Variants in NDUFAF6 observed in about 807,000 individuals in gnomAD.
NDUFAF6 encodes the protein NADH:ubiquinone oxidoreductase complex assembly factor 6, also known as NADH dehydrogenase (ubiquinone) complex I, assembly factor 6.
In NDUFAF6, 45 loss-of-function variants were observed where a neutral mutation model predicts 40.8. The observed-to-expected ratio is 1.10, with a 90% CI of 0.87 to 1.42. The LOEUF is 1.42. Ranked by LOEUF, NDUFAF6 falls within the 40% of genes most tolerant of loss-of-function variation. The pLI, the probability that NDUFAF6 is intolerant of heterozygous loss-of-function variation, is 0.00. For synonymous variants in NDUFAF6, 185 were observed against 155.9 expected (o/e 1.19, Z -1.39); for missense variants, 435 against 418.5 (o/e 1.04, Z -0.34).
In NDUFAF6 at chr8:95,025,138, C is replaced by T. The variant is rs778134370; in HGVS notation, c.130C>T (p.Arg44Trp). The change falls in exon 1 of 9, where the codon CGG becomes TGG. Residue 44 changes from arginine to tryptophan, a missense_variant. Physicochemically the swap from Arg to Trp is moderately radical, Grantham distance 101 (BLOSUM62 -3). Transcript: ENST00000396124. ...RRLPGPEVSG[R>W]SVAAASGPGA... Reference sequence around the variant, plus strand: ...GCTGCCCGGGCCGGAGGTGTCTGGGCGGAGCGTGGCTGCGGCCAGCGGACC... The same window carrying T: ...GCTGCCCGGGCCGGAGGTGTCTGGGTGGAGCGTGGCTGCGGCCAGCGGACC... 3.4e-6 allele frequency: 5 copies of T among 1,485,074 alleles called. No homozygotes were observed. Among genetic ancestry groups the T allele is most frequent in the African/African-American group, 1.5e-5 (1 of 68,674 alleles). The allele number at this position is 1,485,074 out of a possible 1,614,324, so 92.0% of individuals were successfully genotyped here.
intron 1 of NDUFAF6, among the ~76,000 whole-genome samples, chr8:95,028,826 ACACT>A (rs1252463798): frequency 1.3e-5 from 2 of 152,300 alleles, no homozygotes; most frequent in East Asian, 3.9e-4. Flanking sequence ...AGTGTTTTAA[ACACT>A]TCTGAAGTTT....
chr8:95,081,429 C>T (rs975420878), intron 2 of NDUFAF6, among the ~76,000 whole-genome samples: 3 of 151,992 alleles, frequency 2.0e-5, no homozygotes, highest in Non-Finnish European at 4.4e-5. Flanking sequence ...CTCTGCCTCC[C>T]GAAGTACTGG....
At chr8:94,944,696 C>T (rs1219462203) in intron 1 of NDUFAF6, among the ~76,000 whole-genome samples, 1 of 152,198 alleles carries the variant, frequency 6.6e-6, no homozygotes, top group Non-Finnish European at 1.5e-5. Context: ...GGGAAGAACA[C>T]AGAATGGAGT....
At chr8:94,960,656 C>T (rs1160770008) in intron 1 of NDUFAF6, among the ~76,000 whole-genome samples, 10 of 152,192 alleles carry the variant, frequency 6.6e-5, no homozygotes, top group Admixed American at 6.5e-4. Flanking sequence ...GCTAAATGCT[C>T]CATTTCAGTA....
At chr8:94,953,721 A>G (rs1822829397), upstream of NDUFAF6, among the ~76,000 whole-genome samples, 1 of 152,220 alleles carries the variant, frequency 6.6e-6, no homozygotes, top group African/African-American at 2.4e-5. Flanking sequence ...GCTCTTCTCA[A>G]AAGGATGCAG....
intron 2 of NDUFAF6, among the ~76,000 whole-genome samples, chr8:95,081,694 A>T (rs1409732309): frequency 6.6e-6 from 1 of 152,252 alleles, no homozygotes; most frequent in Non-Finnish European, 1.5e-5. Context: ...AGAGTCTAGT[A>T]AAAAGAAAAG....
At chr8:94,933,782 A>C (rs553385408) in intron 1 of NDUFAF6, among the ~76,000 whole-genome samples, 3 of 125,978 alleles carry the variant, frequency 2.4e-5, no homozygotes, top group South Asian at 2.9e-4. Flanking sequence ...CCCCAAAAAA[A>C]CCAACTATAC....
At chr8:95,094,752 T>TTC (rs1491211191) in intron 2 of NDUFAF6, among the ~76,000 whole-genome samples, 836 of 19,020 alleles carry the variant, frequency 0.044, 6 homozygotes, top group African/African-American at 0.22. Context: ...CTTCTTCTTC[T>TTC]TTTTTTTTTT....
At chr8:95,007,849 C>T (rs1052137142) in intron 2 of NDUFAF6, among the ~76,000 whole-genome samples, 2 of 151,866 alleles carry the variant, frequency 1.3e-5, no homozygotes, top group Non-Finnish European at 2.9e-5. Context: ...CTCAGCCTCC[C>T]GAGTAGCTGG....
At chr8:94,951,141 A>C (rs909634426) in intron 2 of NDUFAF6, 2 of 152,232 alleles carry the variant, frequency 1.3e-5, no homozygotes, top group Admixed American at 6.5e-5. Context: ...TGTACTCTGG[A>C]AAATGCCAGC....
rs1012202156 is a variant in NDUFAF6 at position 95,041,652 on chromosome 8, A to G, written c.477+26A>G. On this transcript the variant is annotated intron_variant, in intron 4 of 8. Coordinates refer to ENST00000396124, the MANE Select transcript of NDUFAF6 (RefSeq NM_152416.4). ...GTGAGTCAAAATTGTTCAAGTCTTA[A>G]GTTTTTTCTTCCTGTTTAATTCTTA... 2.5e-6 allele frequency: 4 copies of G among 1,573,226 alleles called. No individual in the cohort carries two copies. The African/African-American group carries it at 4.0e-5, about 16-fold the overall frequency.
chr8:95,000,715 T>C lies in NDUFAF6; in HGVS notation c.-84+19742T>C, dbSNP rs886351699. ...CTTTGAGAGGCTGAGGCGGTCAGAC[T>C]GCTGGAGGTCAGGAGCTGGAGACCA... On this transcript the variant is annotated intron_variant, in intron 2 of 9. Coordinates refer to the NDUFAF6 transcript ENST00000396111. Among the ~76,000 whole-genome samples, 6 of 151,126 alleles carry C rather than the reference T, an allele frequency of 4.0e-5. No individual in the cohort carries two copies. The East Asian group carries it at 1.2e-3, about 29-fold the overall frequency.
intron 1 of NDUFAF6, chr8:94,928,339 C>T (rs777119035): frequency 1.3e-5 from 2 of 152,202 alleles, no homozygotes; most frequent in Non-Finnish European, 2.9e-5. Context: ...TAACAACTTA[C>T]ATGCAATGTA....
At chr8:95,017,057 C>T (rs565504888) in intron 2 of NDUFAF6, among the ~76,000 whole-genome samples, 2 of 151,116 alleles carry the variant, frequency 1.3e-5, no homozygotes, top group South Asian at 2.1e-4. Context: ...CTCAGCCTCC[C>T]GAGTAGGTAG....
At chr8:95,075,101 A>C (rs1724994407) in intron 9 of NDUFAF6, among the ~76,000 whole-genome samples, 1 of 152,186 alleles carries the variant, frequency 6.6e-6, no homozygotes, top group Non-Finnish European at 1.5e-5. Flanking sequence ...AGCAGAACCC[A>C]GGGTCACAAG....
chr8:95,043,858 GT>G (rs1164734480), intron 4 of NDUFAF6, among the ~76,000 whole-genome samples: 1 of 152,096 alleles, frequency 6.6e-6, no homozygotes, highest in Non-Finnish European at 1.5e-5. Context: ...AAACATAGGA[GT>G]TATCATAGAC....
intron 2 of NDUFAF6, among the ~76,000 whole-genome samples, chr8:95,000,655 G>A (rs1826682064): frequency 6.6e-6 from 1 of 151,160 alleles, no homozygotes. Context: ...AAAAATTCTG[G>A]CTGGGCGTCG....
At chr8:94,940,643 C>T (rs1212415328) in intron 1 of NDUFAF6, among the ~76,000 whole-genome samples, 1 of 152,174 alleles carries the variant, frequency 6.6e-6, no homozygotes, top group Non-Finnish European at 1.5e-5. Context: ...ACTAAAAAGT[C>T]TGATGTCAGT....
At chr8:94,963,239 A>C (rs1823746303) in intron 1 of NDUFAF6, among the ~76,000 whole-genome samples, 1 of 152,250 alleles carries the variant, frequency 6.6e-6, no homozygotes, top group Non-Finnish European at 1.5e-5. Context: ...CAGTGTGGAG[A>C]CTGCATGAAA....
Sources: allele counts gnomAD v4.1 joint callset (sites outside exome capture counted in the v4.1 genomes callset), GRCh38; gene constraint gnomAD v4.1.1; transcripts MANE v1.5; gene names NCBI Gene and HGNC (gene_info 2026-07-23, HGNC 2026-07-21).